PFKFB1: variants seen among roughly 807,000 people sequenced by gnomAD.
PFKFB1 encodes the protein 6-phosphofructo-2-kinase/fructose-2,6-biphosphatase 1.
A neutral mutation model predicts 46.4 loss-of-function variants in PFKFB1; 34 were observed. That is an observed-to-expected ratio of 0.73 (90% CI 0.56 to 0.98). The LOEUF (loss-of-function observed/expected upper bound fraction) is 0.98. Among genes scored for constraint, PFKFB1 ranks in the 50% least tolerant of loss-of-function variants. The probability of loss-of-function intolerance (pLI) is 0.00; values close to 1 mark genes in which losing one functional copy is unlikely to be tolerated. For missense variants in PFKFB1, 393 were observed against 376.3 expected (o/e 1.04, Z -0.37); for synonymous variants, 119 against 133.8 (o/e 0.89, Z 0.76).
At chrX:54,985,686 A>G (rs1295406387) in intron 1 of PFKFB1, among the ~76,000 whole-genome samples, 1 of 110,650 alleles carries the variant, frequency 9.0e-6, no homozygotes, top group Non-Finnish European at 1.9e-5. Flanking sequence ...ATTATATAAA[A>G]TAATACTTAT....
intron 1 of PFKFB1, among the ~76,000 whole-genome samples, chrX:54,980,050 G>T (rs963504840): frequency 1.8e-5 from 2 of 110,858 alleles, no homozygotes; most frequent in African/African-American, 6.6e-5. Flanking sequence ...ACAACCTTGT[G>T]AGTAAGTTGG....
rs757178783 is a variant in PFKFB1 at position 54,933,467 on chromosome X, GGA to G, written c.1357-7_1357-6del. 3.3e-6 allele frequency: 4 copies of G among 1,198,248 alleles called. No homozygotes were observed. In the South Asian group the frequency reaches 5.3e-5, roughly 16 times the overall value. The stretch of plus-strand genomic sequence containing the variant: ...TTCCCGGGTGATGTCCACATTCTGA[GGA>G]GAGAGCGCAGGATTAATAGGAAGGA... On this transcript the variant is annotated splice_region_variant and splice_polypyrimidine_tract_variant and intron_variant, in intron 13 of 13. Transcript: ENST00000375006.
chrX:54,970,500 C>A (rs1934625221), intron 1 of PFKFB1, among the ~76,000 whole-genome samples: 1 of 60,826 alleles, frequency 1.6e-5, no homozygotes, highest in Non-Finnish European at 2.9e-5. Flanking sequence ...CCCCACCCCA[C>A]AACAGGCCCC....
intron 10 of PFKFB1, among the ~76,000 whole-genome samples, chrX:54,939,570 G>A (rs376738524): frequency 5.4e-5 from 6 of 111,500 alleles, no homozygotes; most frequent in Admixed American, 4.7e-4. Context: ...TATCACCACC[G>A]ATCCCACAGA....
At chrX:54,972,177 T>C (rs2146657978) in intron 1 of PFKFB1, among the ~76,000 whole-genome samples, 2 of 111,676 alleles carry the variant, frequency 1.8e-5, no homozygotes, top group African/African-American at 6.5e-5. Context: ...GTGATTTTTG[T>C]ACATTGATTT....
At position 54,993,910 on chromosome X, in the gene PFKFB1, C is replaced by A; in HGVS notation, c.97+1G>T. On this transcript the variant is annotated splice_donor_variant, in intron 1 of 13. Transcript: ENST00000375006. LOFTEE classifies it high-confidence loss of function. Reference sequence around the variant, plus strand: ...AACCCACGGAAGCAAACCCCACTTACAGCCCCTTCTCCGTTGCAGCCTGCT... The same window carrying A: ...AACCCACGGAAGCAAACCCCACTTAAAGCCCCTTCTCCGTTGCAGCCTGCT... 1 of 1,203,890 alleles carries A rather than the reference C, an allele frequency of 8.3e-7. No homozygotes were observed. Among genetic ancestry groups the A allele is most frequent in the Non-Finnish European group, 1.1e-6 (1 of 891,467 alleles).
In PFKFB1 at chrX:54,963,263, T is replaced by C. The variant is rs1307664308; in HGVS notation, c.217A>G (p.Thr73Ala). The C allele has an allele frequency of 8.3e-7, 1 of 1,210,119 alleles. No individual in the cohort carries two copies. Among genetic ancestry groups the C allele is most frequent in the East Asian group, 3.0e-5 (1 of 33,795 alleles). Reference sequence around the variant, plus strand: ...AAGGCTTTCAGAGACATACCTTTAGTTGGTGTTCCTATCCAGTTGAGATAT... The same window carrying C: ...AAGGCTTTCAGAGACATACCTTTAGCTGGTGTTCCTATCCAGTTGAGATAT... Reference protein sequence around the residue: ...TRYLNWIGTPTKVFNLGQYRR... With the variant: ...TRYLNWIGTPAKVFNLGQYRR... Residue 73 changes from threonine to alanine, a missense_variant, in exon 2 of 14, where the codon ACT becomes GCT. Physicochemically the swap from Thr to Ala is moderately conservative, Grantham distance 58. Coordinates refer to ENST00000375006, the MANE Select transcript of PFKFB1 (RefSeq NM_002625.4).
intron 1 of PFKFB1, among the ~76,000 whole-genome samples, chrX:54,964,316 C>T (rs12006936): frequency 0.036 from 4,018 of 110,341 alleles, 207 homozygotes; most frequent in African/African-American, 0.13. Context: ...TCCCCATTCC[C>T]CCACTACCAG....
At chrX:54,953,906 C>A (rs1934057798) in intron 7 of PFKFB1, among the ~76,000 whole-genome samples, 1 of 111,767 alleles carries the variant, frequency 8.9e-6, no homozygotes, top group Non-Finnish European at 1.9e-5. Flanking sequence ...AAGTGCTATT[C>A]TCTTTGCCCG....
Position 54,956,166 on chromosome X carries a change from C to T in PFKFB1, c.625G>A (p.Glu209Lys). The change falls in exon 7 of 14, where the codon GAG (glutamate) becomes AAG (lysine). Residue 209 changes from glutamate to lysine, a missense_variant. By Grantham distance (56) the Glu-to-Lys change is moderately conservative. Coordinates refer to ENST00000375006, the MANE Select transcript of PFKFB1 (RefSeq NM_002625.4). ...CYEVNYQPLD[E>K]ELDSHLSYIK... is the part of the protein sequence containing the mutation. Reference sequence around the variant, plus strand: ...GCTGGCTCTTACCTGTCCAGTTCCTCATCCAAGGGTTGGTAGTTGACCTCA... The same window carrying T: ...GCTGGCTCTTACCTGTCCAGTTCCTTATCCAAGGGTTGGTAGTTGACCTCA... 8.3e-7 allele frequency: 1 copy of T among 1,203,330 alleles called. No individual in the cohort carries two copies. Among genetic ancestry groups the T allele is most frequent in the East Asian group, 3.0e-5 (1 of 33,784 alleles).
chrX:54,964,454 C>T (rs1005749086), intron 1 of PFKFB1, among the ~76,000 whole-genome samples: 1 of 112,267 alleles, frequency 8.9e-6, no homozygotes, highest in African/African-American at 3.2e-5. Flanking sequence ...AAGAGAAAAG[C>T]AATCATTAGG....
intron 1 of PFKFB1, among the ~76,000 whole-genome samples, chrX:54,969,724 A>G (rs983690851): frequency 1.8e-5 from 2 of 111,855 alleles, no homozygotes; most frequent in African/African-American, 3.2e-5. Flanking sequence ...CTCTAATATC[A>G]GGAACAAGGC....
chrX:54,942,414 A>G (rs1344379052), intron 10 of PFKFB1, among the ~76,000 whole-genome samples: 1 of 112,226 alleles, frequency 8.9e-6, no homozygotes, highest in Non-Finnish European at 1.9e-5. Flanking sequence ...GTAAGAATTT[A>G]TAACCACCAG....
chrX:54,977,462 G>C (rs933037589), intron 1 of PFKFB1, among the ~76,000 whole-genome samples: 2 of 111,066 alleles, frequency 1.8e-5, no homozygotes, highest in African/African-American at 6.5e-5. Flanking sequence ...TAGATAATGA[G>C]AGTCAGGTAT....
At position 54,960,857 on chromosome X, in the gene PFKFB1, A is replaced by G; in HGVS notation, c.284T>C (p.Leu95Pro). Residue 95 changes from leucine to proline, a missense_variant, in exon 3 of 14, where the codon CTT becomes CCT. Transcript: ENST00000375006. ...TTGCAGGGCTTCCATGTTGTCTGGA[A>G]GAAAGAATTCATAGTTCTTGTAGCT... ...AVSYKNYEFF[L>P]PDNMEALQIR... 1 of 1,194,625 alleles carries G rather than the reference A, an allele frequency of 8.4e-7. No homozygotes were observed. Among genetic ancestry groups the G allele is most frequent in the East Asian group, 3.0e-5 (1 of 33,154 alleles).
intron 10 of PFKFB1, among the ~76,000 whole-genome samples, chrX:54,943,753 AAAAT>A (rs1204544298): frequency 4.5e-5 from 5 of 110,650 alleles, no homozygotes; most frequent in East Asian, 2.8e-4. Context: ...TCCGTCTCAA[AAAAT>A]AAATAAATAA....
chrX:54,936,830 G>T (rs955502427), intron 11 of PFKFB1, among the ~76,000 whole-genome samples: 1 of 111,657 alleles, frequency 9.0e-6, no homozygotes. Context: ...TCGTAGAAAA[G>T]ATCCAAGACT....
chrX:54,939,439 T>C (rs1301062636), intron 10 of PFKFB1, among the ~76,000 whole-genome samples: 1 of 111,416 alleles, frequency 9.0e-6, no homozygotes, highest in African/African-American at 3.3e-5. Context: ...CTTCAAAAAA[T>C]CAATGAATCC....
intron 10 of PFKFB1, among the ~76,000 whole-genome samples, chrX:54,938,844 T>A (rs750088291): frequency 9.0e-6 from 1 of 111,027 alleles, no homozygotes. Context: ...GACAGAAAGT[T>A]AACAAGGATA....
Sources: gnomAD v4.1 joint callset for allele counts (sites outside exome capture counted in the v4.1 genomes callset) on GRCh38, gnomAD v4.1.1 for gene constraint, MANE v1.5 for transcripts, NCBI Gene and HGNC (gene_info 2026-07-23, HGNC 2026-07-21) for gene names.